ENTREP2: variants seen among roughly 807,000 people sequenced by gnomAD.
The protein encoded by ENTREP2 is endosomal transmembrane epsin interactor 2.
the ENTREP2 span, among the ~76,000 whole-genome samples, chr15:29,480,284 C>T: frequency 3.3e-5 from 4 of 120,372 alleles, no homozygotes; most frequent in South Asian, 2.8e-4. Flanking sequence ...GCTCATCCTA[C>T]GAAAATAACC....
the ENTREP2 span, among the ~76,000 whole-genome samples, chr15:29,127,092 G>C: frequency 6.6e-6 from 1 of 152,202 alleles, no homozygotes; most frequent in Non-Finnish European, 1.5e-5. Context: ...CCCAGCCACC[G>C]GGGTTGAAGC....
the ENTREP2 span, among the ~76,000 whole-genome samples, chr15:29,473,327 G>T: frequency 6.6e-6 from 1 of 151,782 alleles, no homozygotes; most frequent in African/African-American, 2.4e-5. Context: ...GAATGTTGGT[G>T]TCTCTTTTCC....
the ENTREP2 span, chr15:29,375,089 A>G: frequency 6.6e-6 from 1 of 152,226 alleles, no homozygotes; most frequent in Non-Finnish European, 1.5e-5. Flanking sequence ...GGACACAGGT[A>G]AATTACTTGG....
the ENTREP2 span, among the ~76,000 whole-genome samples, chr15:29,228,497 G>A: frequency 6.6e-6 from 1 of 152,162 alleles, no homozygotes; most frequent in African/African-American, 2.4e-5. Context: ...TATTAGGGAT[G>A]ATGAAAAAGT....
chr15:29,433,960 G>A, the ENTREP2 span, among the ~76,000 whole-genome samples: 1 of 152,080 alleles, frequency 6.6e-6, no homozygotes, highest in Non-Finnish European at 1.5e-5. Flanking sequence ...ATTTGTTGCT[G>A]TAAGACTTCT....
the ENTREP2 span, among the ~76,000 whole-genome samples, chr15:29,548,685 C>T: frequency 6.6e-6 from 1 of 152,082 alleles, no homozygotes; most frequent in Non-Finnish European, 1.5e-5. Flanking sequence ...TAAGAGACTT[C>T]CAGCACTATT....
At chr15:29,178,065 G>T in the ENTREP2 span, among the ~76,000 whole-genome samples, 1 of 152,142 alleles carries the variant, frequency 6.6e-6, no homozygotes, top group Non-Finnish European at 1.5e-5. Context: ...GGTTGAGGCA[G>T]GAGGATCACT....
chr15:29,243,056 C>T, the ENTREP2 span, among the ~76,000 whole-genome samples: 2 of 152,174 alleles, frequency 1.3e-5, no homozygotes, highest in African/African-American at 2.4e-5. Context: ...CACGCCACGG[C>T]GAGGATGCTG....
At chr15:29,564,200 ACC>A in the ENTREP2 span, among the ~76,000 whole-genome samples, 16,546 of 152,112 alleles carry the variant, frequency 0.11, 888 homozygotes, top group Middle Eastern at 0.19. Flanking sequence ...TTCTCCAGGT[ACC>A]CACTTGTTTC....
the ENTREP2 span, among the ~76,000 whole-genome samples, chr15:29,599,553 T>A: frequency 6.6e-6 from 1 of 152,240 alleles, no homozygotes; most frequent in East Asian, 1.9e-4. Context: ...CAGTGCTTCC[T>A]TGGACAAGTT....
At chr15:29,490,866 C>T in the ENTREP2 span, among the ~76,000 whole-genome samples, 7 of 152,324 alleles carry the variant, frequency 4.6e-5, no homozygotes, top group East Asian at 1.9e-4. Context: ...CCACTCCAGG[C>T]GCCTGCTCTC....
At chr15:29,339,836 G>GT in the ENTREP2 span, among the ~76,000 whole-genome samples, 1 of 152,240 alleles carries the variant, frequency 6.6e-6, no homozygotes, top group South Asian at 2.1e-4. Flanking sequence ...AAGATGGGAC[G>GT]TGGGTGAAGG....
At chr15:29,126,553 G>C in the ENTREP2 span, 1 of 1,420,134 alleles carries the variant, frequency 7.0e-7, no homozygotes, top group South Asian at 1.3e-5. Context: ...CGTGGGACAG[G>C]CCTGCCCCTC....
At chr15:29,374,561 T>C in the ENTREP2 span, 1 of 151,320 alleles carries the variant, frequency 6.6e-6, no homozygotes, top group African/African-American at 2.4e-5. Flanking sequence ...CATTGGTGCA[T>C]TTTTTTTTCC....
chr15:29,290,425 AC>A, the ENTREP2 span, among the ~76,000 whole-genome samples: 1 of 151,900 alleles, frequency 6.6e-6, no homozygotes, highest in Non-Finnish European at 1.5e-5. Context: ...TTCAGGTATC[AC>A]CCCATGTCCA....
chr15:29,605,286 C>T, the ENTREP2 span, among the ~76,000 whole-genome samples: 1 of 152,118 alleles, frequency 6.6e-6, no homozygotes, highest in Non-Finnish European at 1.5e-5. Flanking sequence ...TAATCATAGG[C>T]CCAGTGGAAG....
chr15:29,465,005 T>C, the ENTREP2 span, among the ~76,000 whole-genome samples: 7 of 152,032 alleles, frequency 4.6e-5, no homozygotes, highest in South Asian at 2.1e-4. Context: ...CCATGAGCTG[T>C]AGGACACAGT....
the ENTREP2 span, among the ~76,000 whole-genome samples, chr15:29,582,788 A>G: frequency 7.8e-3 from 1,179 of 152,070 alleles, 10 homozygotes; most frequent in African/African-American, 0.027. Flanking sequence ...AGTAGCTGGG[A>G]TTACAGGCAG....
the ENTREP2 span, among the ~76,000 whole-genome samples, chr15:29,308,540 C>T: frequency 4.1e-4 from 63 of 152,288 alleles, no homozygotes; most frequent in African/African-American, 1.5e-3. Flanking sequence ...CCCTTACCAG[C>T]GGTGCGGCCC....
Sources: allele counts gnomAD v4.1 joint callset (sites outside exome capture counted in the v4.1 genomes callset), GRCh38; gene constraint gnomAD v4.1.1; transcripts MANE v1.5; gene names NCBI Gene and HGNC (gene_info 2026-07-23, HGNC 2026-07-21).